Variants in SUZ12 observed in about 807,000 individuals in gnomAD.
SUZ12 encodes SUZ12 polycomb repressive complex 2 subunit, also known as polycomb protein SUZ12.
In SUZ12, 17 loss-of-function variants were observed where a neutral mutation model predicts 87.3. That is an observed-to-expected ratio of 0.19 (90% CI 0.13 to 0.29). The LOEUF (loss-of-function observed/expected upper bound fraction) is 0.29. SUZ12 is among the 10% of genes least tolerant of loss of function. The pLI is 1.00. For missense variants in SUZ12, 526 were observed against 912.2 expected, an observed-to-expected ratio of 0.58 and a Z score of 5.45; for synonymous variants, 253 against 312.4, an observed-to-expected ratio of 0.81 and a Z score of 2.01.
chr17:31,939,917 G>A (rs572470128), intron 1 of SUZ12, among the ~76,000 whole-genome samples: 1 of 152,170 alleles, frequency 6.6e-6, no homozygotes, highest in Non-Finnish European at 1.5e-5. Flanking sequence ...GACTCCAGCT[G>A]CCTATTACAG....
intron 1 of SUZ12, among the ~76,000 whole-genome samples, chr17:31,940,015 A>G (rs1487379024): frequency 1.3e-5 from 2 of 152,224 alleles, no homozygotes. Context: ...CTGCTCGGTA[A>G]CAATAACTAT....
rs1907395495 is a variant in SUZ12, at chr17:31,957,173, C to T, written c.456-8974C>T. ...CACTGGCTCACTGCAGTCTCAACCT[C>T]CTGGGATGAAGAGATCCTCTCTCCT... On this transcript the variant is annotated intron_variant, in intron 4 of 15. Transcript: ENST00000322652. Among the ~76,000 whole-genome samples, 5 of 152,194 alleles carry T rather than the reference C, an allele frequency of 3.3e-5. 1 individual carries two copies. The South Asian group carries it at 1.0e-3, about 31-fold the overall frequency.
In SUZ12 at chr17:31,941,007, C is replaced by T. The variant is rs539997092; in HGVS notation, c.386+521C>T. On this transcript the variant is annotated intron_variant, in intron 3 of 15. Transcript: ENST00000322652. The stretch of plus-strand genomic sequence containing the variant: ...CCTGGGCAACAGAGCGAGACTCTAC[C>T]TCAAAGAAAAAAAAAACAAAACTGA... Among the ~76,000 whole-genome samples the T allele has an allele frequency of 2.0e-5, 3 of 150,570 alleles. No individual in the cohort carries two copies. In the South Asian group the frequency reaches 6.3e-4, roughly 32 times the overall value.
intron 10 of SUZ12, among the ~76,000 whole-genome samples, chr17:31,992,281 A>G (rs968104107): frequency 1.6e-4 from 24 of 152,264 alleles, no homozygotes; most frequent in African/African-American, 5.5e-4. Context: ...ACCAAAGTGA[A>G]TCTGTCTCAA....
intron 1 of SUZ12, 49 bp from the exon 2 acceptor site, chr17:31,940,237 C>T (rs766507079): frequency 6.4e-7 from 1 of 1,572,600 alleles, no homozygotes; most frequent in South Asian, 1.2e-5. Flanking sequence ...TGATATTTTT[C>T]TGACAAGTAA....
chr17:31,959,478 T>C (rs1402810982), intron 4 of SUZ12, among the ~76,000 whole-genome samples: 2 of 152,218 alleles, frequency 1.3e-5, no homozygotes, highest in Non-Finnish European at 2.9e-5. Context: ...AGATCCTGGA[T>C]TTCAGAATAT....
chr17:31,948,341 G>T (rs1906757154), intron 4 of SUZ12, among the ~76,000 whole-genome samples: 1 of 151,932 alleles, frequency 6.6e-6, no homozygotes, highest in African/African-American at 2.4e-5. Flanking sequence ...TTTATTTTTT[G>T]ATATTTTTGA....
chr17:31,961,825 AC>A (rs1438185489), intron 4 of SUZ12, among the ~76,000 whole-genome samples: 22 of 152,194 alleles, frequency 1.4e-4, no homozygotes, highest in African/African-American at 5.3e-4. Flanking sequence ...GTTGGAGCTT[AC>A]CCTCACACTT....
rs376446616 is a variant in SUZ12, at chr17:31,998,877, C to A, written c.2094C>A (p.Asn698Lys). Residue 698 changes from asparagine to lysine, a missense_variant, in exon 16 of 16, where the codon AAC becomes AAA. This residue lies in a region of SUZ12 where 56 missense variants were observed against 56.6 expected (regional missense o/e 0.99). Coordinates refer to ENST00000322652, the MANE Select transcript of SUZ12 (RefSeq NM_015355.4). ...AGGGGGAATCTGCTTCCCCTGCAAA[C>A]GAAGAAATAACTGAAGAACAAAATG... Reference protein sequence around the residue: ...LEKGESASPANEEITEEQNGT... With the variant: ...LEKGESASPAKEEITEEQNGT... The A allele has an allele frequency of 6.2e-7, 1 of 1,613,188 alleles. No individual in the cohort carries two copies. Among genetic ancestry groups the A allele is most frequent in the Non-Finnish European group, 8.5e-7 (1 of 1,179,774 alleles).
intron 8 of SUZ12, among the ~76,000 whole-genome samples, chr17:31,977,279 T>A (rs1255911012): frequency 6.7e-6 from 1 of 149,876 alleles, no homozygotes; most frequent in Non-Finnish European, 1.5e-5. Context: ...CCATCTTTTT[T>A]TTTTTTTTTT....
Position 31,998,880 on chromosome 17 carries a change from A to G in SUZ12, c.2097A>G (p.Glu699=). 2 of 1,613,646 alleles carry G rather than the reference A, an allele frequency of 1.2e-6. No homozygotes were observed. The highest frequency in any genetic ancestry group is 1.7e-6 in the Non-Finnish European group (2 of 1,179,900). ...EKGESASPAN[E]EITEEQNGTA... Reference sequence around the variant, plus strand: ...GGGAATCTGCTTCCCCTGCAAACGAAGAAATAACTGAAGAACAAAATGGGA... The same window carrying G: ...GGGAATCTGCTTCCCCTGCAAACGAGGAAATAACTGAAGAACAAAATGGGA... Residue 699 remains glutamate, a synonymous_variant, in exon 16 of 16, where the codon GAA becomes GAG. Transcript: ENST00000322652.
At chr17:31,965,526 A>G (rs1268399935) in intron 4 of SUZ12, among the ~76,000 whole-genome samples, 2 of 152,212 alleles carry the variant, frequency 1.3e-5, no homozygotes, top group Non-Finnish European at 2.9e-5. Context: ...TAACAGTGAA[A>G]ATGATATATT....
chr17:31,953,711 A>ATTT (rs756892113), intron 4 of SUZ12, among the ~76,000 whole-genome samples: 4 of 131,756 alleles, frequency 3.0e-5, no homozygotes, highest in Non-Finnish European at 1.6e-5. Flanking sequence ...CCCAGCCTCA[A>ATTT]TTTTTTTTTT....
intron 7 of SUZ12, among the ~76,000 whole-genome samples, chr17:31,976,159 G>T (rs538229000): frequency 1.3e-5 from 2 of 152,216 alleles, no homozygotes; most frequent in East Asian, 3.9e-4. Context: ...AATGATGAGT[G>T]CCATAATACA....
At chr17:31,979,059 T>C (rs1908928008) in intron 8 of SUZ12, among the ~76,000 whole-genome samples, 1 of 134,606 alleles carries the variant, frequency 7.4e-6, no homozygotes, top group Non-Finnish European at 1.5e-5. Context: ...TGAGTTGAGA[T>C]CGCGCCGCTG....
At chr17:31,964,468 G>A (rs941294230) in intron 4 of SUZ12, among the ~76,000 whole-genome samples, 15 of 151,110 alleles carry the variant, frequency 9.9e-5, no homozygotes, top group African/African-American at 3.6e-4. Context: ...GTGCAATGGC[G>A]CAATCTCGGC....
intron 14 of SUZ12, among the ~76,000 whole-genome samples, chr17:31,996,412 T>A (rs1376423323): frequency 6.6e-6 from 1 of 152,134 alleles, no homozygotes; most frequent in East Asian, 1.9e-4. Context: ...GTCAGGAGTT[T>A]GAGACCAGCC....
At chr17:31,973,391 A>C (rs1476028960) in intron 6 of SUZ12, among the ~76,000 whole-genome samples, 160 bp downstream of exon 6, 2 of 152,160 alleles carry the variant, frequency 1.3e-5, no homozygotes, top group Non-Finnish European at 2.9e-5. Flanking sequence ...TCTTTTGCCA[A>C]CTCGCATATC....
Position 31,978,132 on chromosome 17 carries a change from A to G in SUZ12, c.917+1518A>G, listed in dbSNP as rs376022216. On this transcript the variant is annotated intron_variant, in intron 8 of 15. Coordinates refer to ENST00000322652, the MANE Select transcript of SUZ12 (RefSeq NM_015355.4). ...GTACCAGGCTGCGTGCTGGTAGTTA[A>G]CAGTTTATTGTCAGGTATAGGACAA... Among the ~76,000 whole-genome samples, 145 of 152,274 alleles carry G rather than the reference A, an allele frequency of 9.5e-4. 4 individuals are homozygous for G. The South Asian group carries it at 0.029, about 30-fold the overall frequency.
Sources: allele counts gnomAD v4.1 joint callset (sites outside exome capture counted in the v4.1 genomes callset), GRCh38; gene constraint gnomAD v4.1.1; regional missense constraint gnomAD v4.1.1; transcripts MANE v1.5; gene names NCBI Gene and HGNC (gene_info 2026-07-23, HGNC 2026-07-21).